CADM4: variants seen among roughly 807,000 people sequenced by gnomAD.
The protein encoded by CADM4 is cell adhesion molecule 4, also known as TSLC1-like 2.
Under a neutral mutation model 43.9 loss-of-function variants are expected in CADM4, and 13 were observed. The ratio of observed to expected loss-of-function variants is 0.30; its 90% confidence interval spans 0.19 to 0.47. The LOEUF (loss-of-function observed/expected upper bound fraction) is 0.47. Among genes scored for constraint, CADM4 ranks in the 20% least tolerant of loss-of-function variants. CADM4 has a pLI of 1.00. For synonymous variants in CADM4, 209 were observed against 220.9 expected, an observed-to-expected ratio of 0.95 and a Z score of 0.48; for missense variants, 420 against 527.0, an observed-to-expected ratio of 0.80 and a Z score of 1.99.
Position 43,625,758 on chromosome 19 carries a change from C to T in CADM4, c.755+153G>A, listed in dbSNP as rs1451571284. On this transcript the variant is annotated intron_variant, in intron 6 of 8. Transcript: ENST00000222374. This position sits in a 1 kb window ranked among gnomAD's most constrained non-coding sequence, Gnocchi z 4.5. ...TCGTCCAGGTCCCCAGCTCTCTCCT[C>T]CTCAGGACCCAGGAATCCAGGTCCT... Among the ~76,000 whole-genome samples, 1 of 152,034 alleles carries T rather than the reference C, an allele frequency of 6.6e-6. No individual in the cohort carries two copies. The highest frequency in any genetic ancestry group is 6.6e-5 in the Admixed American group (1 of 15,266).
chr19:43,624,985 G>T, intron 7 of CADM4, 93 bp downstream of exon 7: 1 of 1,326,740 alleles, frequency 7.5e-7, no homozygotes, highest in Non-Finnish European at 1.0e-6. Flanking sequence ...GTTGGCTGCC[G>T]AACCCCTGAG....
At position 43,623,649 on chromosome 19, in the gene CADM4, G is replaced by GA. The variant is rs1973475473; in HGVS notation, c.1058-211dup. Among the ~76,000 whole-genome samples, 1 of 152,174 alleles carries GA rather than the reference G, an allele frequency of 6.6e-6. No individual in the cohort carries two copies. Among genetic ancestry groups the GA allele is most frequent in the South Asian group, 2.1e-4 (1 of 4,832 alleles). On this transcript the variant is annotated intron_variant, in intron 8 of 8. Transcript: ENST00000222374. This position sits in a 1 kb window ranked among gnomAD's most constrained non-coding sequence, Gnocchi z 4.4. ...ATTAGGAAGACTCCAAAAGCTCACC[G>GA]AAAGTGCCACCCTTATCCTTTCTCT...
At position 43,626,735 on chromosome 19, in the gene CADM4, C is replaced by T. The variant is rs1973534018; in HGVS notation, c.499+49G>A. 2 of 1,518,242 alleles carry T rather than the reference C, an allele frequency of 1.3e-6. No homozygotes were observed. Among genetic ancestry groups the T allele is most frequent in the Non-Finnish European group, 1.8e-6 (2 of 1,130,972 alleles). The allele number at this position is 1,518,242 out of a possible 1,614,324, so 94.0% of individuals were successfully genotyped here. On this transcript the variant is annotated intron_variant, in intron 4 of 8. Transcript: ENST00000222374. The surrounding 1 kb of genome is among the most constrained non-coding windows in gnomAD (Gnocchi z 5.9). ...CCTCTCCACATATAAACAACCTCTC[C>T]TAAGTCCCACCTCCTCCCCATCCCT...
chr19:43,628,999 T>C, intron 1 of CADM4, among the ~76,000 whole-genome samples: 1 of 152,186 alleles, frequency 6.6e-6, no homozygotes, highest in East Asian at 1.9e-4. Flanking sequence ...TGGTGGTTGT[T>C]TTAAGCTCCT....
At chr19:43,633,307 C>G (rs1973654627) in intron 1 of CADM4, among the ~76,000 whole-genome samples, 1 of 152,108 alleles carries the variant, frequency 6.6e-6, no homozygotes, top group Non-Finnish European at 1.5e-5. Context: ...CTCCTGGGGT[C>G]AAAGGATCCT....
chr19:43,629,062 T>C (rs959298315), intron 1 of CADM4, among the ~76,000 whole-genome samples: 3 of 152,244 alleles, frequency 2.0e-5, no homozygotes, highest in South Asian at 4.1e-4. Context: ...AATACATAAT[T>C]AGGCTATACT....
intron 1 of CADM4, among the ~76,000 whole-genome samples, chr19:43,630,015 C>A (rs919246830): frequency 2.6e-5 from 4 of 151,558 alleles, no homozygotes; most frequent in African/African-American, 9.7e-5. Flanking sequence ...CTCGAGTGAT[C>A]CCACCTCAGC....
At chr19:43,634,140 C>G (rs1220213439) in intron 1 of CADM4, among the ~76,000 whole-genome samples, 1 of 152,196 alleles carries the variant, frequency 6.6e-6, no homozygotes, top group African/African-American at 2.4e-5. Context: ...GTTGCCCCAT[C>G]TATAAAATGG....
chr19:43,628,442 A>AG (rs1973567048), intron 1 of CADM4, among the ~76,000 whole-genome samples: 1 of 151,774 alleles, frequency 6.6e-6, no homozygotes, highest in African/African-American at 2.4e-5. Flanking sequence ...CTCAAAAAAA[A>AG]AAAGAAAGAA....
At position 43,633,849 on chromosome 19, in the gene CADM4, TA is replaced by T. The variant is rs562387883; in HGVS notation, c.64+5877del. Among the ~76,000 whole-genome samples the T allele has an allele frequency of 1.3e-3, 188 of 147,678 alleles. No individual in the cohort carries two copies. In the Middle Eastern group the frequency reaches 0.017, roughly 14 times the overall value. On this transcript the variant is annotated intron_variant, in intron 1 of 8. Transcript: ENST00000222374. ...AGGTGCGTAGCTATGCCCAGCTAATTAAAAAAAAAAAAATTTTTTTTTTTTT... is the reference window on the plus strand; with the variant it reads ...AGGTGCGTAGCTATGCCCAGCTAATTAAAAAAAAAAAATTTTTTTTTTTTT...
Position 43,626,062 on chromosome 19 carries a change from C to T in CADM4, c.665-61G>A, listed in dbSNP as rs556776905. On this transcript the variant is annotated intron_variant, in intron 5 of 8. Coordinates refer to ENST00000222374, the MANE Select transcript of CADM4 (RefSeq NM_145296.2). The surrounding 1 kb of genome is among the most constrained non-coding windows in gnomAD (Gnocchi z 5.9). The stretch of plus-strand genomic sequence containing the variant: ...AAGCCATCACGCAGGACAAGGGGGA[C>T]CCTCGCGGGTGCGGGTGGCTGGCGT... The T allele has an allele frequency of 1.1e-5, 17 of 1,612,376 alleles. No homozygotes were observed. The African/African-American group carries it at 2.0e-4, about 19-fold the overall frequency.
chr19:43,631,612 TG>T (rs1973626689), intron 1 of CADM4, among the ~76,000 whole-genome samples: 1 of 152,246 alleles, frequency 6.6e-6, no homozygotes, highest in African/African-American at 2.4e-5. Flanking sequence ...GATAAAATTT[TG>T]TCCAGTTGGA....
chr19:43,637,643 C>T (rs1413957082), intron 1 of CADM4, among the ~76,000 whole-genome samples: 2 of 152,152 alleles, frequency 1.3e-5, no homozygotes, highest in Non-Finnish European at 2.9e-5. Flanking sequence ...AAACGAGGGA[C>T]AGGGCTGTAG....
Position 43,639,841 on chromosome 19 carries a change from C to G in CADM4, c.-51G>C, listed in dbSNP as rs1391681371. 1.0e-6 allele frequency: 1 copy of G among 977,800 alleles called. No individual in the cohort carries two copies. Among genetic ancestry groups the G allele is most frequent in the Non-Finnish European group, 1.2e-6 (1 of 826,726 alleles). 60.6% of individuals were successfully genotyped at this position (977,800 alleles called of 1,614,324 possible). A position where few individuals can be genotyped will look rare whatever the true frequency, so the allele number is the denominator to read the frequency against. On this transcript the variant is annotated 5_prime_UTR_variant, in exon 1 of 9. Coordinates refer to ENST00000222374, the MANE Select transcript of CADM4 (RefSeq NM_145296.2). ...CTCGCTCCCGGCCCGGCACCTGCAC[C>G]GCCCGCGCCGCCCGCCCCGCCCCCC...
In CADM4 at chr19:43,623,377, G is replaced by A; in HGVS notation, c.1120C>T (p.Leu374Phe). The change falls in exon 9 of 9, where the codon CTC becomes TTC. Residue 374 changes from leucine (L) to phenylalanine (F), a missense_variant. Leu to Phe is a conservative substitution (Grantham distance 22). Coordinates refer to ENST00000222374, the MANE Select transcript of CADM4 (RefSeq NM_145296.2). The surrounding 1 kb of genome is among the most constrained non-coding windows in gnomAD (Gnocchi z 4.4). ...DEQGEAREAF[L>F]NGSDGHKRKE... ...CTCTTGTGTCCGTCGCTGCCATTGA[G>A]GAAGGCTTCTCTTGCTTCTCCCTGT... The A allele has an allele frequency of 6.2e-7, 1 of 1,614,166 alleles. No individual in the cohort carries two copies. Among genetic ancestry groups the A allele is most frequent in the East Asian group, 2.2e-5 (1 of 44,876 alleles).
In CADM4 at chr19:43,623,578, G is replaced by T. The variant is rs1973474280; in HGVS notation, c.1058-139C>A. ...GGGAGAAACGGAACACACAGGGAGA[G>T]GCAGAGAAAGAGGTAAACAGTGGCA... On this transcript the variant is annotated intron_variant, in intron 8 of 8. Coordinates refer to ENST00000222374, the MANE Select transcript of CADM4 (RefSeq NM_145296.2). The surrounding 1 kb of genome is among the most constrained non-coding windows in gnomAD (Gnocchi z 4.4). The T allele has an allele frequency of 1.2e-5, 8 of 681,082 alleles. No individual in the cohort carries two copies. In the East Asian group the frequency reaches 1.6e-4, roughly 14 times the overall value. 42.2% of individuals were successfully genotyped at this position (681,082 alleles called of 1,614,324 possible).
Position 43,623,696 on chromosome 19 carries a change from C to T in CADM4, c.1058-257G>A, listed in dbSNP as rs2146133070. 6.6e-6 allele frequency among the ~76,000 whole-genome samples: 1 copy of T among 152,320 alleles called. No homozygotes were observed. The highest frequency in any genetic ancestry group is 3.4e-3 in the Middle Eastern group (1 of 294). ...CTCTTGGAGGTATTTCCTTGCCCTG[C>T]TCCCAGCGAATTCAGCAATTAGGAA... On this transcript the variant is annotated intron_variant, in intron 8 of 8. Coordinates refer to ENST00000222374, the MANE Select transcript of CADM4 (RefSeq NM_145296.2). This position sits in a 1 kb window ranked among gnomAD's most constrained non-coding sequence, Gnocchi z 4.4.
chr19:43,627,563 G>T lies in CADM4; in HGVS notation c.211+81C>A. On this transcript the variant is annotated intron_variant, in intron 2 of 8. Transcript: ENST00000222374. The surrounding 1 kb of genome is among the most constrained non-coding windows in gnomAD (Gnocchi z 4.0). ...GACCCAGGAGACCAAACTCTCAGGT[G>T]TGTCCTCTTTCAGGACATGGGAGCC... The T allele has an allele frequency of 6.8e-7, 1 of 1,476,056 alleles. No individual in the cohort carries two copies. 91.4% of individuals were successfully genotyped at this position (1,476,056 alleles called of 1,614,324 possible).
At chr19:43,630,676 G>A (rs547144542) in intron 1 of CADM4, among the ~76,000 whole-genome samples, 36 of 152,178 alleles carry the variant, frequency 2.4e-4, no homozygotes, top group Admixed American at 6.5e-4. Flanking sequence ...CAAAATCTTC[G>A]TCCAAATCTC....
Sources: allele counts gnomAD v4.1 joint callset (sites outside exome capture counted in the v4.1 genomes callset), GRCh38; gene constraint gnomAD v4.1.1; non-coding constraint Gnocchi (gnomAD v3.1); transcripts MANE v1.5; gene names NCBI Gene and HGNC (gene_info 2026-07-23, HGNC 2026-07-21).